TOP3B: variants seen among roughly 807,000 people sequenced by gnomAD.
TOP3B encodes the protein DNA topoisomerase III beta.
A neutral mutation model predicts 93.9 loss-of-function variants in TOP3B; 45 were observed. That is an observed-to-expected ratio of 0.48 (90% CI 0.38 to 0.61). The LOEUF (loss-of-function observed/expected upper bound fraction) is 0.61. Among genes scored for constraint, TOP3B ranks in the 20% least tolerant of loss-of-function variants. TOP3B has a pLI of 0.00. For missense variants in TOP3B, 750 were observed against 1,156.1 expected, an observed-to-expected ratio of 0.65 and a Z score of 5.09; for synonymous variants, 357 against 472.6, an observed-to-expected ratio of 0.76 and a Z score of 3.17.
At chr22:21,975,568 C>T (rs1312691641) in intron 2 of TOP3B, 72 bp downstream of exon 2, 16 of 1,492,442 alleles carry the variant, frequency 1.1e-5, no homozygotes, top group African/African-American at 2.8e-5. Flanking sequence ...GGTGGAATCA[C>T]ATTAGGAAAA....
chr22:21,979,054 C>T (rs2084557752), intron 1 of TOP3B, among the ~76,000 whole-genome samples: 1 of 152,124 alleles, frequency 6.6e-6, no homozygotes, highest in Non-Finnish European at 1.5e-5. Flanking sequence ...CATGGTACGG[C>T]TGTCCACTGA....
In TOP3B at chr22:21,963,068, T is replaced by C; in HGVS notation, c.1205-175A>G. 1.4e-6 allele frequency: 1 copy of C among 723,350 alleles called. No individual in the cohort carries two copies. Among genetic ancestry groups the C allele is most frequent in the Non-Finnish European group, 2.3e-6 (1 of 434,950 alleles). 44.8% of individuals were successfully genotyped at this position (723,350 alleles called of 1,614,324 possible). ...GTGCAGGAAGGCCGGGCGTGGTGGC[T>C]CATGCCTGTAATCCTAGCACTCTGG... is the stretch of plus-strand genomic sequence containing the variant. On this transcript the variant is annotated intron_variant, in intron 11 of 17. Coordinates refer to ENST00000357179, the MANE Select transcript of TOP3B (RefSeq NM_001282112.2). The surrounding 1 kb of genome is among the most constrained non-coding windows in gnomAD (Gnocchi z 4.8).
At chr22:21,958,875 CTCTG>C in intron 16 of TOP3B, 182 bp from the exon 17 acceptor site, 2 of 1,155,702 alleles carry the variant, frequency 1.7e-6, no homozygotes, top group Non-Finnish European at 2.4e-6. Context: ...GTTCTAAAAT[CTCTG>C]TGTGTACATT....
rs555199027 is a variant in TOP3B, at chr22:21,962,340, A to T, written c.1525+89T>A. 1.8e-4 allele frequency: 290 copies of T among 1,603,148 alleles called. No homozygotes were observed. The African/African-American group carries it at 3.6e-3, about 20-fold the overall frequency. ...CATGGAGGGGTGCTGGGCTGGGCAC[A>T]CAGGGCTGGCGGGGCAGCTTTGTGA... On this transcript the variant is annotated intron_variant, in intron 13 of 17. Transcript: ENST00000357179.
chr22:21,979,802 A>G lies in TOP3B; in HGVS notation c.-99+2928T>C, dbSNP rs368800818. Among the ~76,000 whole-genome samples the G allele has an allele frequency of 1.9e-3, 293 of 151,990 alleles. 2 individuals carry two copies. Among genetic ancestry groups the G allele is most frequent in the African/African-American group, 4.9e-3 (202 of 41,506 alleles). ...TAAAAATACTAAAAATTAGCTGGGCATGGTGGCAGGCGCCTGTAGTCCCAG... is the reference window on the plus strand; with the variant it reads ...TAAAAATACTAAAAATTAGCTGGGCGTGGTGGCAGGCGCCTGTAGTCCCAG... On this transcript the variant is annotated intron_variant, in intron 1 of 17. Transcript: ENST00000357179.
rs192893223 is a variant in TOP3B, at chr22:21,973,926, C to G, written c.202+431G>C. ...CAACCACATGGCCCCAAACCTACAC[C>G]CAGCAGGTCACTAATACTGGCGCTT... On this transcript the variant is annotated intron_variant, in intron 3 of 17. Transcript: ENST00000357179. The G allele has an allele frequency of 1.0e-3, 157 of 153,562 alleles. 1 individual carries two copies. The East Asian group carries it at 0.018, about 17-fold the overall frequency. 9.5% of individuals were successfully genotyped at this position (153,562 alleles called of 1,614,324 possible).
Position 21,970,070 on chromosome 22 carries a change from T to C in TOP3B, c.581+140A>G. On this transcript the variant is annotated intron_variant, in intron 6 of 17. Coordinates refer to ENST00000357179, the MANE Select transcript of TOP3B (RefSeq NM_001282112.2). This position sits in a 1 kb window ranked among gnomAD's most constrained non-coding sequence, Gnocchi z 4.4. Reference sequence around the variant, plus strand: ...CAGGTGTTAGCCACTGTGCCTGGCCTTCTTCAGGGTTGGTGAAATCCCCTG... The same window carrying C: ...CAGGTGTTAGCCACTGTGCCTGGCCCTCTTCAGGGTTGGTGAAATCCCCTG... 1.1e-6 allele frequency: 1 copy of C among 881,436 alleles called. No homozygotes were observed. 54.6% of individuals were successfully genotyped at this position (881,436 alleles called of 1,614,324 possible).
Position 21,970,501 on chromosome 22 carries a change from C to T in TOP3B, c.385-95G>A, listed in dbSNP as rs909871117. 27 of 1,353,522 alleles carry T rather than the reference C, an allele frequency of 2.0e-5. No homozygotes were observed. In the Admixed American group the frequency reaches 2.0e-4, roughly 10 times the overall value. 83.8% of individuals were successfully genotyped at this position (1,353,522 alleles called of 1,614,324 possible). On this transcript the variant is annotated intron_variant, in intron 5 of 17. Transcript: ENST00000357179. The surrounding 1 kb of genome is among the most constrained non-coding windows in gnomAD (Gnocchi z 4.4). ...AAGCCTGGTTCCTTCCAGGAAAGAA[C>T]ACGTGTGCTCGGCTCCCTCTCCTGC...
In TOP3B at chr22:21,974,485, C is replaced by A; in HGVS notation, c.74G>T (p.Ser25Ile). ...GTTCAGCCCTTTGTGTGAGGACAGG[C>A]TCCCTGGGGATGAGGAAGCACAAAG... The part of the protein sequence containing the change: ...QSIAKILSRG[S>I]LSSHKGLNGA... Residue 25 changes from serine (S) to isoleucine (I), a missense_variant, in exon 3 of 18, where the codon AGC becomes ATC. Physicochemically the swap from Ser to Ile is moderately radical, Grantham distance 142. Around this residue, in one of 4 missense-constraint regions of TOP3B, gnomAD observed 737 missense variants for 933.7 expected, o/e 0.79. Coordinates refer to ENST00000357179, the MANE Select transcript of TOP3B (RefSeq NM_001282112.2). 2 of 1,606,580 alleles carry A rather than the reference C, an allele frequency of 1.2e-6. No homozygotes were observed. Among genetic ancestry groups the A allele is most frequent in the Admixed American group, 1.7e-5 (1 of 59,058 alleles).
At chr22:21,972,987 G>C (rs1012654070) in intron 3 of TOP3B, 1 of 464,276 alleles carries the variant, frequency 2.2e-6, no homozygotes, top group Non-Finnish European at 3.9e-6. Flanking sequence ...GCTCTCGGGG[G>C]GCTGCCACTC....
At chr22:21,960,731 A>G (rs2071140263) in intron 13 of TOP3B, 1 of 442,152 alleles carries the variant, frequency 2.3e-6, no homozygotes, top group South Asian at 2.6e-5. Context: ...GGAACTCTCC[A>G]AGGTCACAGT....
chr22:21,977,277 C>T (rs1346667639), intron 1 of TOP3B: 1 of 152,152 alleles, frequency 6.6e-6, no homozygotes, highest in Non-Finnish European at 1.5e-5. Context: ...CGCCTGTATC[C>T]CAGCACTTTG....
rs1376221366 is a variant in TOP3B at position 21,968,648 on chromosome 22, G to C, written c.709C>G (p.Pro237Ala). Reference protein sequence around the residue: ...ERHDKIQSFKPETYWVLQAKV... With the variant: ...ERHDKIQSFKAETYWVLQAKV... ...GCCTGCAGCACCCAGTAGGTCTCTG[G>C]TTTGAAGGACTGGATTTTATCATGT... Residue 237 changes from proline (P) to alanine (A), a missense_variant, in exon 7 of 18, where the codon CCA (proline) becomes GCA (alanine). Around this residue, in one of 4 missense-constraint regions of TOP3B, gnomAD observed 737 missense variants for 933.7 expected, o/e 0.79. Transcript: ENST00000357179. 1.9e-6 allele frequency: 3 copies of C among 1,614,104 alleles called. No homozygotes were observed. Among genetic ancestry groups the C allele is most frequent in the East Asian group, 4.5e-5 (2 of 44,902 alleles).
chr22:21,967,318 C>T (rs1366831814), intron 8 of TOP3B: 3 of 372,970 alleles, frequency 8.0e-6, no homozygotes, highest in Admixed American at 4.2e-5. Flanking sequence ...TAATGCCTAG[C>T]GGGTCACGTG....
In TOP3B at chr22:21,959,174, G is replaced by C; in HGVS notation, c.1863C>G (p.Leu621=). 6.2e-7 allele frequency: 1 copy of C among 1,613,836 alleles called. No individual in the cohort carries two copies. Among genetic ancestry groups the C allele is most frequent in the Non-Finnish European group, 8.5e-7 (1 of 1,180,002 alleles). ...FSPLAATGKP[L]SRCGKCHRFM... Reference sequence around the variant, plus strand: ...AGCGGTGGCACTTCCCACAGCGTGAGAGGGGCTTGCCTGTGGCCGCCAGGG... The same window carrying C: ...AGCGGTGGCACTTCCCACAGCGTGACAGGGGCTTGCCTGTGGCCGCCAGGG... The change falls in exon 16 of 18, where the codon CTC becomes CTG. Residue 621 remains leucine, a synonymous_variant. Transcript: ENST00000357179.
At chr22:21,962,285 C>T in intron 13 of TOP3B, 144 bp downstream of exon 13, 1 of 1,590,028 alleles carries the variant, frequency 6.3e-7, no homozygotes, top group African/African-American at 1.3e-5. Flanking sequence ...GCTGGCCACA[C>T]ACTGGGTCAC....
chr22:21,976,434 A>C (rs1162635685), intron 1 of TOP3B: 2 of 152,242 alleles, frequency 1.3e-5, no homozygotes, highest in Non-Finnish European at 2.9e-5. Flanking sequence ...GGCCAAATTA[A>C]ATCAAATATC....
Position 21,970,795 on chromosome 22 carries a change from C to T in TOP3B, c.385-389G>A. 3.4e-6 allele frequency: 1 copy of T among 291,728 alleles called. No individual in the cohort carries two copies. Among genetic ancestry groups the T allele is most frequent in the Non-Finnish European group, 6.6e-6 (1 of 150,608 alleles). The allele number at this position is 291,728 out of a possible 1,614,324, so 18.1% of individuals were successfully genotyped here. On this transcript the variant is annotated intron_variant, in intron 5 of 17. Transcript: ENST00000357179. This position sits in a 1 kb window ranked among gnomAD's most constrained non-coding sequence, Gnocchi z 4.4. ...CCATCCCATGTGACACGATTCCCTG[C>T]CTTCTAGGAGGGAGGGTTTGGAGGG...
chr22:21,975,738 CG>C lies in TOP3B; in HGVS notation c.-30del. On this transcript the variant is annotated 5_prime_UTR_variant, in exon 2 of 18. Coordinates refer to ENST00000357179, the MANE Select transcript of TOP3B (RefSeq NM_001282112.2). ...GTCTCGGTCCTTCACACTCCAGTTT[CG>C]GGGCACTGGCAATGAAAAAGTTTAG... 6.3e-7 allele frequency: 1 copy of C among 1,591,156 alleles called. No individual in the cohort carries two copies.
Sources: allele counts gnomAD v4.1 joint callset (sites outside exome capture counted in the v4.1 genomes callset), GRCh38; gene constraint gnomAD v4.1.1; regional missense constraint gnomAD v4.1.1; non-coding constraint Gnocchi (gnomAD v3.1); transcripts MANE v1.5; gene names NCBI Gene and HGNC (gene_info 2026-07-23, HGNC 2026-07-21).